The following SEC63 variants were observed in gnomAD, a reference collection of about 807,000 sequenced individuals.
SEC63 encodes the protein SEC63 protein translocation regulator.
A neutral mutation model predicts 116.2 loss-of-function variants in SEC63; 56 were observed. The observed-to-expected ratio is 0.48, with a 90% CI of 0.39 to 0.60. The LOEUF (loss-of-function observed/expected upper bound fraction) is 0.60, where lower values mean the gene tolerates loss of function less well. Among genes scored for constraint, SEC63 ranks in the 20% least tolerant of loss-of-function variants. The pLI, the probability that SEC63 is intolerant of heterozygous loss-of-function variation, is 0.00. For synonymous variants in SEC63, 273 were observed against 294.6 expected (o/e 0.93, Z 0.75); for missense variants, 668 against 900.0 (o/e 0.74, Z 3.30).
intron 16 of SEC63, among the ~76,000 whole-genome samples, chr6:107,884,431 A>G (rs1208152434): frequency 2.0e-5 from 3 of 152,152 alleles, no homozygotes; most frequent in African/African-American, 7.2e-5. Flanking sequence ...ACAGACATTA[A>G]AAGAAAATTA....
chr6:107,953,032 G>A (rs1279143385), intron 1 of SEC63, among the ~76,000 whole-genome samples: 1 of 152,166 alleles, frequency 6.6e-6, no homozygotes, highest in Non-Finnish European at 1.5e-5. Flanking sequence ...CGCCGAGGCA[G>A]GTGGATCAAT....
chr6:107,951,211 T>G (rs1378884694), intron 1 of SEC63, among the ~76,000 whole-genome samples: 1 of 152,204 alleles, frequency 6.6e-6, no homozygotes, highest in Non-Finnish European at 1.5e-5. Context: ...TGGGTAGTGT[T>G]AAGGTAATTA....
chr6:107,923,692 ATT>A lies in SEC63; in HGVS notation c.339+1124_339+1125del, dbSNP rs34366728. ...GGTGTGTTGCTATCACACCCAGGTAATTTTTTTTTTTTTTTTTTGATACAGCC... is the reference window on the plus strand; with the variant it reads ...GGTGTGTTGCTATCACACCCAGGTAATTTTTTTTTTTTTTTTGATACAGCC... On this transcript the variant is annotated intron_variant, in intron 3 of 20. Coordinates refer to ENST00000369002, the MANE Select transcript of SEC63 (RefSeq NM_007214.5). Among the ~76,000 whole-genome samples the A allele has an allele frequency of 4.2e-4, 59 of 139,132 alleles. 1 individual carries two copies. Among genetic ancestry groups the A allele is most frequent in the African/African-American group, 5.6e-4 (20 of 35,628 alleles). 91.3% of individuals were successfully genotyped at this position (139,132 alleles called of 152,430 possible). A position where few individuals can be genotyped will look rare whatever the true frequency, so the allele number is the denominator to read the frequency against.
Position 107,958,204 on chromosome 6 carries a change from G to C in SEC63, c.-195C>G. On this transcript the variant is annotated 5_prime_UTR_variant, in exon 1 of 21. Transcript: ENST00000369002. ...TGCCGCCGCCGTCGCCAGCTCTCGC[G>C]AGAGGAGATAGTTCCCGCCCCGCTC... 1 of 762,846 alleles carries C rather than the reference G, an allele frequency of 1.3e-6. No homozygotes were observed. Among genetic ancestry groups the C allele is most frequent in the Non-Finnish European group, 2.1e-6 (1 of 467,958 alleles). The allele number at this position is 762,846 out of a possible 1,614,324, so 47.3% of individuals were successfully genotyped here.
intron 13 of SEC63, among the ~76,000 whole-genome samples, chr6:107,898,270 A>G (rs1786913128): frequency 1.3e-5 from 2 of 150,952 alleles, no homozygotes; most frequent in South Asian, 4.1e-4. Context: ...AAAAAAAAAA[A>G]AGAAACTGAG....
At chr6:107,884,485 GACAA>G (rs1786484480) in intron 16 of SEC63, among the ~76,000 whole-genome samples, 1 of 151,988 alleles carries the variant, frequency 6.6e-6, no homozygotes, top group African/African-American at 2.4e-5. Context: ...AGAGGAAATA[GACAA>G]ACTCCTTGAA....
At position 107,872,863 on chromosome 6, in the gene SEC63, G is replaced by A; in HGVS notation, c.2084C>T (p.Thr695Ile). The stretch of plus-strand genomic sequence containing the variant: ...ATAGGAGTCTGATCTCAGAAACACA[G>A]TATACTGATAATTTCCAGGCTTGCC... ...APGKPGNYQY[T>I]VFLRSDSYMG... is the part of the protein sequence containing the mutation. The change falls in exon 20 of 21, where the codon ACT (threonine) becomes ATT (isoleucine). Residue 695 changes from threonine to isoleucine, a missense_variant. Coordinates refer to ENST00000369002, the MANE Select transcript of SEC63 (RefSeq NM_007214.5). The A allele has an allele frequency of 6.4e-7, 1 of 1,553,650 alleles. No homozygotes were observed. Among genetic ancestry groups the A allele is most frequent in the Non-Finnish European group, 8.7e-7 (1 of 1,146,984 alleles).
rs1274844848 is a variant in SEC63 at position 107,933,722 on chromosome 6, CCCACGGTCTCCCTCTCCCTCTCTTT to C, written c.125-4233_125-4209del. ...CCCCTGCCTCTCCCTCTCCCCACGG[CCCACGGTCTCCCTCTCCCTCTCTTT>C]CCACGGTCTCCCTCTGATGTCTAGC... On this transcript the variant is annotated intron_variant, in intron 1 of 20. Coordinates refer to ENST00000369002, the MANE Select transcript of SEC63 (RefSeq NM_007214.5). Among the ~76,000 whole-genome samples, 32 of 151,874 alleles carry C rather than the reference CCCACGGTCTCCCTCTCCCTCTCTTT, an allele frequency of 2.1e-4. No individual in the cohort carries two copies. The East Asian group carries it at 2.7e-3, about 13-fold the overall frequency.
At chr6:107,929,589 C>A in intron 1 of SEC63, 75 bp from the exon 2 acceptor site, 1 of 828,778 alleles carries the variant, frequency 1.2e-6, no homozygotes, top group African/African-American at 1.7e-5. Context: ...AACTGGTTAA[C>A]TAACCTTCAT....
Position 107,911,337 on chromosome 6 carries a change from A to T in SEC63, c.624+9T>A, listed in dbSNP as rs1414352104. Reference sequence around the variant, plus strand: ...AAAAAAAACATTAACTTAAAAAGCTAAAACTTACCACAACAACTGGAAGGA... The same window carrying T: ...AAAAAAAACATTAACTTAAAAAGCTTAAACTTACCACAACAACTGGAAGGA... On this transcript the variant is annotated intron_variant, in intron 7 of 20. Transcript: ENST00000369002. 6.3e-7 allele frequency: 1 copy of T among 1,594,716 alleles called. No homozygotes were observed. Among genetic ancestry groups the T allele is most frequent in the Admixed American group, 1.7e-5 (1 of 59,960 alleles).
At position 107,902,773 on chromosome 6, in the gene SEC63, CTT is replaced by C. The variant is rs1787037176; in HGVS notation, c.1209+69_1209+70del. On this transcript the variant is annotated intron_variant, in intron 12 of 20. Transcript: ENST00000369002. ...ATGCATAGTAACCATTTCCAGAAAA[CTT>C]TTATTCATGTTACCTTTAAGTGACA... 6.2e-6 allele frequency: 9 copies of C among 1,456,890 alleles called. No individual in the cohort carries two copies. In the South Asian group the frequency reaches 1.0e-4, roughly 17 times the overall value. The allele number at this position is 1,456,890 out of a possible 1,614,324, so 90.2% of individuals were successfully genotyped here. A position where few individuals can be genotyped will look rare whatever the true frequency, so the allele number is the denominator to read the frequency against.
chr6:107,911,213 T>A, intron 7 of SEC63, 133 bp downstream of exon 7: 1 of 717,884 alleles, frequency 1.4e-6, no homozygotes. Context: ...CACCTCACCT[T>A]CAGTGGCAAG....
At chr6:107,904,855 A>G (rs1269827377) in intron 10 of SEC63, 134 bp from the exon 11 acceptor site, 1 of 749,772 alleles carries the variant, frequency 1.3e-6, no homozygotes, top group Non-Finnish European at 2.3e-6. Context: ...TACAGATTGA[A>G]TGGAAGAGTT....
intron 1 of SEC63, among the ~76,000 whole-genome samples, chr6:107,950,042 G>A (rs978867343): frequency 1.3e-5 from 2 of 152,172 alleles, no homozygotes; most frequent in African/African-American, 4.8e-5. Context: ...CCATCTACAA[G>A]AGACTCACTT....
intron 8 of SEC63, among the ~76,000 whole-genome samples, chr6:107,908,250 G>C (rs1332349284): frequency 6.6e-6 from 1 of 151,960 alleles, no homozygotes; most frequent in African/African-American, 2.4e-5. Flanking sequence ...GATTTTTGCA[G>C]AGCCATCATT....
At chr6:107,881,334 G>C in intron 17 of SEC63, 84 bp from the exon 18 acceptor site, 1 of 892,540 alleles carries the variant, frequency 1.1e-6, no homozygotes, top group Non-Finnish European at 1.8e-6. Context: ...TCCTGACAAT[G>C]CTAATTAACT....
chr6:107,883,663 T>G (rs1289350526), intron 16 of SEC63, among the ~76,000 whole-genome samples: 1 of 150,596 alleles, frequency 6.6e-6, no homozygotes, highest in Non-Finnish European at 1.5e-5. Context: ...TATATATCAC[T>G]AGGCATGGTG....
chr6:107,926,440 TCATG>T (rs1466577537), intron 2 of SEC63, among the ~76,000 whole-genome samples: 5 of 152,082 alleles, frequency 3.3e-5, no homozygotes, highest in Non-Finnish European at 4.4e-5. Context: ...TAAATCATGA[TCATG>T]GCTCACTGCA....
chr6:107,895,889 G>A (rs1786802098), intron 14 of SEC63, among the ~76,000 whole-genome samples: 1 of 151,098 alleles, frequency 6.6e-6, no homozygotes, highest in African/African-American at 2.4e-5. Flanking sequence ...ATTAGGCCAG[G>A]CATGGTGGCT....
Sources: allele counts gnomAD v4.1 joint callset (sites outside exome capture counted in the v4.1 genomes callset), GRCh38; gene constraint gnomAD v4.1.1; transcripts MANE v1.5; gene names NCBI Gene and HGNC (gene_info 2026-07-23, HGNC 2026-07-21).